SEMA3A: variants seen among roughly 807,000 people sequenced by gnomAD.
SEMA3A encodes semaphorin-3A.
A neutral mutation model predicts 97.9 loss-of-function variants in SEMA3A; 29 were observed. The observed-to-expected ratio is 0.30, with a 90% CI of 0.22 to 0.40. The LOEUF (loss-of-function observed/expected upper bound fraction) is 0.40, where lower values mean the gene tolerates loss of function less well. SEMA3A is among the 10% of genes least tolerant of loss of function. SEMA3A has a pLI of 1.00. For synonymous variants in SEMA3A, 321 were observed against 323.7 expected, an observed-to-expected ratio of 0.99 and a Z score of 0.09; for missense variants, 763 against 951.3, an observed-to-expected ratio of 0.80 and a Z score of 2.60.
At chr7:84,446,665 T>C (rs1277598492) in intron 1 of SEMA3A, among the ~76,000 whole-genome samples, 1 of 152,216 alleles carries the variant, frequency 6.6e-6, no homozygotes, top group African/African-American at 2.4e-5. Flanking sequence ...TACCTCAACA[T>C]AGAGGCCATA....
At chr7:83,996,037 T>G (rs922842763) in intron 12 of SEMA3A, among the ~76,000 whole-genome samples, 10 of 152,182 alleles carry the variant, frequency 6.6e-5, no homozygotes, top group Non-Finnish European at 1.0e-4. Flanking sequence ...TTCCTTACAT[T>G]CAATAGAACT....
chr7:84,055,157 G>A (rs1297033578), intron 5 of SEMA3A, among the ~76,000 whole-genome samples: 1 of 152,092 alleles, frequency 6.6e-6, no homozygotes, highest in East Asian at 1.9e-4. Flanking sequence ...CTGTCTTTTT[G>A]TTTGTCTGTG....
At chr7:84,268,253 G>A (rs1800056489) in intron 3 of SEMA3A, among the ~76,000 whole-genome samples, 2 of 120,656 alleles carry the variant, frequency 1.7e-5, no homozygotes, top group African/African-American at 4.7e-5. Flanking sequence ...ATAAGCATGT[G>A]TGTGTGTGTG....
chr7:84,087,707 T>C (rs1794423809), intron 4 of SEMA3A, among the ~76,000 whole-genome samples: 1 of 152,182 alleles, frequency 6.6e-6, no homozygotes, highest in Admixed American at 6.5e-5. Flanking sequence ...TAACTCAATG[T>C]GCAGTAGTTG....
intron 15 of SEMA3A, among the ~76,000 whole-genome samples, chr7:83,973,077 T>C (rs967047060): frequency 6.6e-6 from 1 of 152,180 alleles, no homozygotes; most frequent in African/African-American, 2.4e-5. Flanking sequence ...GGAGAAATTC[T>C]TTCTTACTTC....
At chr7:83,976,418 C>A (rs1789151272) in intron 15 of SEMA3A, among the ~76,000 whole-genome samples, 1 of 151,988 alleles carries the variant, frequency 6.6e-6, no homozygotes, top group Non-Finnish European at 1.5e-5. Context: ...TTGATAAGTT[C>A]CCCCAGCAGA....
chr7:84,279,453 T>TA (rs71078819), intron 3 of SEMA3A, among the ~76,000 whole-genome samples: 112,394 of 151,454 alleles, frequency 0.74, 42,323 homozygotes, highest in African/African-American at 0.87. Context: ...CCTATAATCT[T>TA]AAAAAAAATG....
intron 1 of SEMA3A, among the ~76,000 whole-genome samples, chr7:84,414,745 C>T (rs953435998): frequency 2.6e-5 from 4 of 151,602 alleles, no homozygotes; most frequent in Non-Finnish European, 2.9e-5. Flanking sequence ...AAAAAAAAGG[C>T]GAAATGAACA....
rs1040081111 is a variant in SEMA3A, at chr7:83,960,008, T to C, written c.*1363A>G. On this transcript the variant is annotated 3_prime_UTR_variant, in exon 17 of 17. Transcript: ENST00000265362. The stretch of plus-strand genomic sequence containing the variant: ...ATACTTTGTAGAAAAGTCCCTCCCA[T>C]TGATATGAAAAGAGTCATGTGTTTC... The C allele has an allele frequency of 1.3e-5, 2 of 152,068 alleles. No homozygotes were observed. Among genetic ancestry groups the C allele is most frequent in the Non-Finnish European group, 2.9e-5 (2 of 67,956 alleles). 9.4% of individuals were successfully genotyped at this position (152,068 alleles called of 1,614,324 possible). A position where few individuals can be genotyped will look rare whatever the true frequency, so the allele number is the denominator to read the frequency against.
intron 2 of SEMA3A, among the ~76,000 whole-genome samples, chr7:84,316,315 TA>T: frequency 6.6e-6 from 1 of 151,940 alleles, no homozygotes; most frequent in Non-Finnish European, 1.5e-5. Flanking sequence ...GTAACCAAAT[TA>T]AATCCAAAGT....
In SEMA3A at chr7:84,326,080, T is replaced by C. The variant is rs537190499; in HGVS notation, c.-168-18788A>G. 3.3e-5 allele frequency among the ~76,000 whole-genome samples: 5 copies of C among 152,268 alleles called. No homozygotes were observed. In the East Asian group the frequency reaches 7.7e-4, roughly 24 times the overall value. ...ATCCATGTTATAAAAATTGGCAAGA[T>C]GCTCTTCTTCTTTCTGGCTAAATAA... On this transcript the variant is annotated intron_variant, in intron 2 of 3. Transcript: ENST00000424555.
intron 1 of SEMA3A, among the ~76,000 whole-genome samples, chr7:84,150,428 G>A (rs912179546): frequency 1.3e-4 from 20 of 152,218 alleles, no homozygotes; most frequent in African/African-American, 4.8e-4. Context: ...CCTCACTCGG[G>A]AAGCGCAAGG....
chr7:84,490,115 AG>A (rs60251756), intron 1 of SEMA3A, among the ~76,000 whole-genome samples: 35,821 of 150,774 alleles, frequency 0.24, 4,709 homozygotes, highest in African/African-American at 0.35. Context: ...TTAATTTTAT[AG>A]GATATTTATT....
chr7:84,432,625 C>G (rs1457872806), intron 1 of SEMA3A, among the ~76,000 whole-genome samples: 1 of 152,072 alleles, frequency 6.6e-6, no homozygotes, highest in Non-Finnish European at 1.5e-5. Flanking sequence ...ACTTATAAGC[C>G]AGAACATACG....
chr7:84,486,672 G>A (rs1001464170), intron 1 of SEMA3A, among the ~76,000 whole-genome samples: 2 of 152,106 alleles, frequency 1.3e-5, no homozygotes, highest in Non-Finnish European at 2.9e-5. Context: ...TCACAAAGAG[G>A]ACCTGAGCCC....
At chr7:84,311,582 C>T (rs1273636928) in intron 2 of SEMA3A, among the ~76,000 whole-genome samples, 5 of 151,748 alleles carry the variant, frequency 3.3e-5, no homozygotes, top group Admixed American at 1.3e-4. Context: ...TATAGTACAC[C>T]CTTCAGGGGT....
intron 1 of SEMA3A, among the ~76,000 whole-genome samples, chr7:84,416,187 G>C (rs1011000063): frequency 1.3e-5 from 2 of 152,116 alleles, no homozygotes; most frequent in Non-Finnish European, 2.9e-5. Flanking sequence ...AACACAGTGG[G>C]AGGTAATTGA....
chr7:84,242,576 C>T (rs948541382), intron 3 of SEMA3A, among the ~76,000 whole-genome samples: 6 of 152,106 alleles, frequency 3.9e-5, no homozygotes, highest in African/African-American at 1.2e-4. Context: ...CAAACAGAGA[C>T]AATTTGACTT....
chr7:84,096,644 T>C (rs1794783719), intron 4 of SEMA3A, among the ~76,000 whole-genome samples: 1 of 152,098 alleles, frequency 6.6e-6, no homozygotes, highest in Non-Finnish European at 1.5e-5. Flanking sequence ...GTGAATAGGA[T>C]GAAATTTTTT....
Sources: allele counts gnomAD v4.1 joint callset (sites outside exome capture counted in the v4.1 genomes callset), GRCh38; gene constraint gnomAD v4.1.1; transcripts MANE v1.5; gene names NCBI Gene and HGNC (gene_info 2026-07-23, HGNC 2026-07-21).